The following LDHA variants were observed in gnomAD, a reference collection of about 807,000 sequenced individuals.
The protein encoded by LDHA is L-lactate dehydrogenase A chain.
A neutral mutation model predicts 36.3 loss-of-function variants in LDHA; 10 were observed. The observed-to-expected ratio is 0.28, with a 90% confidence interval of 0.17 to 0.47. The LOEUF (loss-of-function observed/expected upper bound fraction) is 0.47. Among genes scored for constraint, LDHA ranks in the 20% least tolerant of loss-of-function variants. The probability of loss-of-function intolerance (pLI) is 0.99; values close to 1 mark genes in which losing one functional copy is unlikely to be tolerated. For synonymous variants in LDHA, 110 were observed against 136.7 expected (o/e 0.80, Z 1.36); for missense variants, 267 against 405.8 (o/e 0.66, Z 2.94).
chr11:18,398,042 C>T lies in LDHA; in HGVS notation c.126+1074C>T, dbSNP rs896474406. ...AGAAATTGATGCTGTTTTCCCCACA[C>T]CTACAAACCGCCTATGTTTTTTCTC... On this transcript the variant is annotated intron_variant, in intron 2 of 7. Coordinates refer to ENST00000422447, the MANE Select transcript of LDHA (RefSeq NM_005566.4). 4.6e-5 allele frequency among the ~76,000 whole-genome samples: 7 copies of T among 152,290 alleles called. No individual in the cohort carries two copies. In the East Asian group the frequency reaches 1.3e-3, roughly 29 times the overall value.
Position 18,408,342 on chromosome 11 carries a change from C to A in LDHA, c.*1061C>A, listed in dbSNP as rs1180718237. 5.4e-6 allele frequency: 2 copies of A among 370,972 alleles called. No individual in the cohort carries two copies. Among genetic ancestry groups the A allele is most frequent in the African/African-American group, 2.1e-5 (1 of 46,788 alleles). 23.0% of individuals were successfully genotyped at this position (370,972 alleles called of 1,614,324 possible). A position where few individuals can be genotyped will look rare whatever the true frequency, so the allele number is the denominator to read the frequency against. ...AACCCCATCTGTTAAAAAAACAAAA[C>A]AAAACCAAAAAAAACAAGTAACCTT... On this transcript the variant is annotated 3_prime_UTR_variant, in exon 8 of 8. Transcript: ENST00000422447.
At chr11:18,402,651 A>C (rs1866547606) in intron 4 of LDHA, 189 bp from the exon 5 acceptor site, 1 of 586,514 alleles carries the variant, frequency 1.7e-6, no homozygotes, top group South Asian at 1.9e-5. Flanking sequence ...TAGAGGCTTA[A>C]AAATATTAAC....
At chr11:18,397,918 TG>T (rs1355392682) in intron 2 of LDHA, among the ~76,000 whole-genome samples, 1 of 152,090 alleles carries the variant, frequency 6.6e-6, no homozygotes, top group African/African-American at 2.4e-5. Context: ...AAGACAGAAA[TG>T]AGCTATGAAA....
chr11:18,401,773 GGTGATTCATTTATTT>G (rs1866513130), intron 4 of LDHA, among the ~76,000 whole-genome samples: 1 of 151,628 alleles, frequency 6.6e-6, no homozygotes, highest in Admixed American at 6.6e-5. Context: ...CACCGTGCCT[GGTGATTCATTTATTT>G]TTCATGTTTC....
chr11:18,404,430 A>G (rs925823557), intron 6 of LDHA, among the ~76,000 whole-genome samples: 1 of 151,908 alleles, frequency 6.6e-6, no homozygotes, highest in Non-Finnish European at 1.5e-5. Flanking sequence ...AAGGAAAAAA[A>G]AAATTATTGA....
chr11:18,407,503 GT>G lies in LDHA; in HGVS notation c.*224del. The G allele has an allele frequency of 1.1e-6, 1 of 936,348 alleles. No individual in the cohort carries two copies. Among genetic ancestry groups the G allele is most frequent in the Non-Finnish European group, 1.7e-6 (1 of 596,346 alleles). The allele number at this position is 936,348 out of a possible 1,614,324, so 58.0% of individuals were successfully genotyped here. ...ATTAATCTTGTGTAGTCTTCAACTGGTTAGTGTGAAATAGTTCTGCCACCTC... is the reference window on the plus strand; with the variant it reads ...ATTAATCTTGTGTAGTCTTCAACTGGTAGTGTGAAATAGTTCTGCCACCTC... On this transcript the variant is annotated 3_prime_UTR_variant, in exon 8 of 8. Coordinates refer to ENST00000422447, the MANE Select transcript of LDHA (RefSeq NM_005566.4).
chr11:18,400,429 CCACACACACACACACACACACACA>C (rs6144241), intron 3 of LDHA: 4,281 of 287,464 alleles, frequency 0.015, 79 homozygotes, highest in Admixed American at 0.051. Flanking sequence ...ACCACCACCA[CCACACACACACACACACACACACA>C]CACACACACA....
intron 5 of LDHA, among the ~76,000 whole-genome samples, chr11:18,403,255 CTG>C (rs1371364081): frequency 6.6e-6 from 1 of 152,114 alleles, no homozygotes; most frequent in Non-Finnish European, 1.5e-5. Flanking sequence ...TATCTTAAGA[CTG>C]TAGTTCTTAG....
At chr11:18,402,466 TA>T in intron 4 of LDHA, 1 of 213,352 alleles carries the variant, frequency 4.7e-6, no homozygotes, top group South Asian at 4.1e-5. Context: ...GCTAGTTTGT[TA>T]AAAGTTTTTT....
Position 18,396,866 on chromosome 11 carries a change from G to A in LDHA, c.24G>A (p.Leu8=). The change falls in exon 2 of 8, where the codon CTG becomes CTA. Residue 8 remains leucine (L), a synonymous_variant. Coordinates refer to ENST00000422447, the MANE Select transcript of LDHA (RefSeq NM_005566.4). MATLKDQ[L]IYNLLKEEQT... ...ATATGGCAACTCTAAAGGATCAGCTGATTTATAATCTTCTAAAGGAAGAAC... is the reference window on the plus strand; with the variant it reads ...ATATGGCAACTCTAAAGGATCAGCTAATTTATAATCTTCTAAAGGAAGAAC... 2.5e-6 allele frequency: 4 copies of A among 1,613,474 alleles called. No individual in the cohort carries two copies. The highest frequency in any genetic ancestry group is 3.4e-6 in the Non-Finnish European group (4 of 1,179,588).
chr11:18,401,045 A>G (rs201261563), intron 4 of LDHA, 35 bp downstream of exon 4: 55 of 1,361,362 alleles, frequency 4.0e-5, no homozygotes, highest in Non-Finnish European at 5.5e-5. Context: ...TTGACAAGCT[A>G]TAGTAAAACT....
chr11:18,408,342 CAAAA>C lies in LDHA; in HGVS notation c.*1062_*1065del, dbSNP rs1435903114. 2.7e-6 allele frequency: 1 copy of C among 370,988 alleles called. No homozygotes were observed. The highest frequency in any genetic ancestry group is 7.3e-5 in the East Asian group (1 of 13,660). The allele number at this position is 370,988 out of a possible 1,614,324, so 23.0% of individuals were successfully genotyped here. ...AACCCCATCTGTTAAAAAAACAAAA[CAAAA>C]CCAAAAAAAACAAGTAACCTTGGTG... On this transcript the variant is annotated 3_prime_UTR_variant, in exon 8 of 8. Transcript: ENST00000422447.
At chr11:18,400,595 TAGG>T (rs1447817650) in intron 3 of LDHA, 5 of 562,942 alleles carry the variant, frequency 8.9e-6, no homozygotes, top group African/African-American at 7.6e-5. Context: ...AAGAAATTAA[TAGG>T]AGAATCAAAT....
chr11:18,407,088 A>G, intron 7 of LDHA, 29 bp from the exon 8 acceptor site: 3 of 1,339,594 alleles, frequency 2.2e-6, no homozygotes, highest in South Asian at 1.3e-5. Context: ...ACAAAATGTG[A>G]GATTTTTTTT....
At position 18,408,395 on chromosome 11, in the gene LDHA, C is replaced by T. The variant is rs982873141; in HGVS notation, c.*1114C>T. 8.6e-6 allele frequency: 3 copies of T among 348,036 alleles called. No individual in the cohort carries two copies. Among genetic ancestry groups the T allele is most frequent in the South Asian group, 2.3e-5 (1 of 43,754 alleles). The allele number at this position is 348,036 out of a possible 1,614,324, so 21.6% of individuals were successfully genotyped here. A position where few individuals can be genotyped will look rare whatever the true frequency, so the allele number is the denominator to read the frequency against. On this transcript the variant is annotated 3_prime_UTR_variant, in exon 8 of 8. Coordinates refer to ENST00000422447, the MANE Select transcript of LDHA (RefSeq NM_005566.4). ...TGGATGTCTACTCAAGTTTTCTGCA[C>T]ATTTTTCTGAAAATACAACTGTGAC...
At chr11:18,396,728 C>A (rs1209918814) in intron 1 of LDHA, 91 bp from the exon 2 acceptor site, 1 of 1,388,798 alleles carries the variant, frequency 7.2e-7, no homozygotes, top group Non-Finnish European at 9.8e-7. Flanking sequence ...GTGGCAAATA[C>A]CCCCAAAGGA....
At chr11:18,403,431 T>C (rs547674559) in intron 5 of LDHA, among the ~76,000 whole-genome samples, 29 of 152,372 alleles carry the variant, frequency 1.9e-4, no homozygotes, top group African/African-American at 7.0e-4. Flanking sequence ...GTTCTCATAC[T>C]ATCTTTATAT....
At chr11:18,404,341 C>T (rs1866599904) in intron 6 of LDHA, among the ~76,000 whole-genome samples, 1 of 151,524 alleles carries the variant, frequency 6.6e-6, no homozygotes, top group East Asian at 2.0e-4. Flanking sequence ...CCTGGGAGGT[C>T]AAGGCTGCAG....
At position 18,408,377 on chromosome 11, in the gene LDHA, C is replaced by G; in HGVS notation, c.*1096C>G. 5.6e-6 allele frequency: 2 copies of G among 357,116 alleles called. No homozygotes were observed. Among genetic ancestry groups the G allele is most frequent in the South Asian group, 4.4e-5 (2 of 45,484 alleles). The allele number at this position is 357,116 out of a possible 1,614,324, so 22.1% of individuals were successfully genotyped here. A position where few individuals can be genotyped will look rare whatever the true frequency, so the allele number is the denominator to read the frequency against. On this transcript the variant is annotated 3_prime_UTR_variant, in exon 8 of 8. Coordinates refer to ENST00000422447, the MANE Select transcript of LDHA (RefSeq NM_005566.4). ...AAAAACAAGTAACCTTGGTGGATGT[C>G]TACTCAAGTTTTCTGCACATTTTTC...
Sources: gnomAD v4.1 joint callset for allele counts (sites outside exome capture counted in the v4.1 genomes callset) on GRCh38, gnomAD v4.1.1 for gene constraint, MANE v1.5 for transcripts, NCBI Gene and HGNC (gene_info 2026-07-23, HGNC 2026-07-21) for gene names.